The following HDX variants were observed in gnomAD, a reference collection of about 807,000 sequenced individuals.
HDX encodes the protein highly divergent homeobox, also known as chromosome X open reading frame 43.
HDX carries 19 observed loss-of-function variants against 45.2 expected under a neutral mutation model. The observed-to-expected ratio is 0.42, with a 90% CI of 0.29 to 0.62. HDX has a LOEUF of 0.62. Ranked by LOEUF, HDX falls within the 20% of genes least tolerant of loss-of-function variation. HDX has a pLI of 0.20. For synonymous variants in HDX, 188 were observed against 172.8 expected (o/e 1.09, Z -0.69); for missense variants, 532 against 493.9 (o/e 1.08, Z -0.73).
chrX:84,330,946 A>T (rs1443663225), intron 9 of HDX, among the ~76,000 whole-genome samples: 1 of 111,910 alleles, frequency 8.9e-6, no homozygotes, highest in Non-Finnish European at 1.9e-5. Flanking sequence ...GTATCATAAC[A>T]TCAGTTACTG....
At position 84,319,465 on chromosome X, in the gene HDX, T is replaced by C. The variant is rs2036557887; in HGVS notation, c.*2424A>G. The C allele has an allele frequency of 8.9e-6, 1 of 111,813 alleles. No homozygotes were observed. The highest frequency in any genetic ancestry group is 1.9e-5 in the Non-Finnish European group (1 of 52,688). 9.2% of individuals were successfully genotyped at this position (111,813 alleles called of 1,213,427 possible). On this transcript the variant is annotated 3_prime_UTR_variant, in exon 11 of 11. Coordinates refer to ENST00000373177, the MANE Select transcript of HDX (RefSeq NM_001177479.2). ...AATCTGGCAATTATGATTCTTTTTC[T>C]ATAGATAGAGGTATTTCCTTCAGTT...
rs2036547846 is a variant in HDX, at chrX:84,318,881, A to C, written c.*3008T>G. 1 of 111,454 alleles carries C rather than the reference A, an allele frequency of 9.0e-6. No homozygotes were observed. The highest frequency in any genetic ancestry group is 1.9e-5 in the Non-Finnish European group (1 of 52,652). 9.2% of individuals were successfully genotyped at this position (111,454 alleles called of 1,213,427 possible). A position where few individuals can be genotyped will look rare whatever the true frequency, so the allele number is the denominator to read the frequency against. On this transcript the variant is annotated 3_prime_UTR_variant, in exon 11 of 11. Coordinates refer to ENST00000373177, the MANE Select transcript of HDX (RefSeq NM_001177479.2). ...GGACAAAACATCCCCAGTTTCCATG[A>C]AGAGGCCAATTTTCTTTTAAGGTTT...
intron 5 of HDX, among the ~76,000 whole-genome samples, chrX:84,377,705 G>A (rs1602344594): frequency 9.1e-6 from 1 of 109,520 alleles, no homozygotes; most frequent in East Asian, 2.9e-4. Context: ...ACAGTCAGAG[G>A]GACAAAAGGA....
At chrX:84,369,574 C>T (rs1337644509) in intron 5 of HDX, among the ~76,000 whole-genome samples, 1 of 112,026 alleles carries the variant, frequency 8.9e-6, no homozygotes, top group Non-Finnish European at 1.9e-5. Context: ...TCCTCACTAA[C>T]CCTTGCCATT....
intron 1 of HDX, among the ~76,000 whole-genome samples, chrX:84,497,397 A>G (rs1175437094): frequency 8.9e-6 from 1 of 111,876 alleles, no homozygotes; most frequent in Non-Finnish European, 1.9e-5. Context: ...ATATTGAATC[A>G]TTAAATTAGT....
chrX:84,385,390 T>G (rs2038293828), intron 5 of HDX, among the ~76,000 whole-genome samples: 1 of 105,369 alleles, frequency 9.5e-6, no homozygotes, highest in Non-Finnish European at 2.0e-5. Context: ...ATTTTTTGTA[T>G]TTTTAGTAGA....
At chrX:84,431,258 C>A (rs766253395) in intron 5 of HDX, among the ~76,000 whole-genome samples, 1 of 110,406 alleles carries the variant, frequency 9.1e-6, no homozygotes, top group Non-Finnish European at 1.9e-5. Flanking sequence ...CATTGATGGG[C>A]ACTTATGGTT....
intron 5 of HDX, among the ~76,000 whole-genome samples, chrX:84,427,431 A>G (rs889049474): frequency 9.0e-6 from 1 of 111,197 alleles, no homozygotes; most frequent in African/African-American, 3.3e-5. Context: ...TCACGCCCCA[A>G]TGTTTTCTAA....
At position 84,322,025 on chromosome X, in the gene HDX, A is replaced by G; in HGVS notation, c.1948-11T>C. On this transcript the variant is annotated splice_polypyrimidine_tract_variant and intron_variant, in intron 10 of 10. Transcript: ENST00000373177. ...ATCTGACAGCAGTGCCTGAATAAAA[A>G]AAATAATATTTTTGGATTAGTATGT... 1.8e-6 allele frequency: 2 copies of G among 1,124,956 alleles called. No homozygotes were observed. The highest frequency in any genetic ancestry group is 2.4e-6 in the Non-Finnish European group (2 of 837,665). The allele number at this position is 1,124,956 out of a possible 1,213,427, so 92.7% of individuals were successfully genotyped here. A position where few individuals can be genotyped will look rare whatever the true frequency, so the allele number is the denominator to read the frequency against.
chrX:84,424,064 G>T (rs1395046929), intron 5 of HDX, among the ~76,000 whole-genome samples: 1 of 110,868 alleles, frequency 9.0e-6, no homozygotes, highest in East Asian at 2.8e-4. Flanking sequence ...CTTATATTTG[G>T]AATCATGTAA....
intron 5 of HDX, among the ~76,000 whole-genome samples, chrX:84,390,431 A>G (rs1296232622): frequency 8.9e-6 from 1 of 111,785 alleles, no homozygotes; most frequent in Non-Finnish European, 1.9e-5. Context: ...TAAATATTTT[A>G]TCACGTTCTG....
chrX:84,361,838 A>G (rs1171771924), intron 5 of HDX, among the ~76,000 whole-genome samples: 1 of 111,989 alleles, frequency 8.9e-6, no homozygotes, highest in African/African-American at 3.2e-5. Flanking sequence ...TTGAACTGAT[A>G]GCAATTAAGC....
intron 5 of HDX, among the ~76,000 whole-genome samples, chrX:84,435,675 T>G (rs1479758339): frequency 9.3e-6 from 1 of 107,120 alleles, no homozygotes; most frequent in Non-Finnish European, 1.9e-5. Flanking sequence ...GGTTTTCTTC[T>G]AGGGTTTTTA....
chrX:84,377,548 C>G (rs1282256696), intron 5 of HDX, among the ~76,000 whole-genome samples: 3 of 111,096 alleles, frequency 2.7e-5, no homozygotes, highest in Non-Finnish European at 3.8e-5. Context: ...AACAAAGATA[C>G]TGAAATAATT....
chrX:84,331,929 CCT>C (rs1221549148), intron 9 of HDX, among the ~76,000 whole-genome samples: 19 of 111,166 alleles, frequency 1.7e-4, no homozygotes, highest in African/African-American at 5.2e-4. Context: ...GACAAAATTG[CCT>C]AACAATGCAT....
chrX:84,383,969 G>T (rs1369112445), intron 5 of HDX, among the ~76,000 whole-genome samples: 1 of 110,430 alleles, frequency 9.1e-6, no homozygotes, highest in Non-Finnish European at 1.9e-5. Flanking sequence ...CATTTAGGTG[G>T]ATTCTACGTC....
At chrX:84,485,545 G>A (rs747871631) in intron 2 of HDX, among the ~76,000 whole-genome samples, 6 of 111,104 alleles carry the variant, frequency 5.4e-5, no homozygotes, top group Non-Finnish European at 1.1e-4. Context: ...TTATAGGCAT[G>A]CATCACCATG....
At chrX:84,401,903 A>T (rs1169388892) in intron 5 of HDX, among the ~76,000 whole-genome samples, 1 of 112,072 alleles carries the variant, frequency 8.9e-6, no homozygotes, top group African/African-American at 3.2e-5. Context: ...AGAAACATGG[A>T]TGAAGCTGGA....
chrX:84,371,755 C>T (rs1319038982), intron 5 of HDX, among the ~76,000 whole-genome samples: 1 of 111,462 alleles, frequency 9.0e-6, no homozygotes, highest in Admixed American at 9.6e-5. Context: ...TGCTTATTGC[C>T]TATTTTTATG....
Sources: allele counts gnomAD v4.1 joint callset (sites outside exome capture counted in the v4.1 genomes callset), GRCh38; gene constraint gnomAD v4.1.1; transcripts MANE v1.5; gene names NCBI Gene and HGNC (gene_info 2026-07-23, HGNC 2026-07-21).